The following HECW2 variants were observed in gnomAD, a reference collection of about 807,000 sequenced individuals.
The protein encoded by HECW2 is E3 ubiquitin-protein ligase HECW2.
In HECW2, 61 loss-of-function variants were observed where a neutral mutation model predicts 175.2. That is an observed-to-expected ratio of 0.35 (90% CI 0.28 to 0.43). The LOEUF (loss-of-function observed/expected upper bound fraction) is 0.43. Among genes scored for constraint, HECW2 ranks in the 20% least tolerant of loss-of-function variants. The probability of loss-of-function intolerance (pLI) is 1.00; values close to 1 mark genes in which losing one functional copy is unlikely to be tolerated. For synonymous variants in HECW2, 671 were observed against 731.0 expected (o/e 0.92, Z 1.32); for missense variants, 1,524 against 2,000.5 (o/e 0.76, Z 4.54).
intron 17 of HECW2, among the ~76,000 whole-genome samples, chr2:196,260,795 G>T (rs972291151): frequency 6.6e-5 from 10 of 152,190 alleles, no homozygotes; most frequent in Non-Finnish European, 1.5e-5. Flanking sequence ...CCAGGTATTT[G>T]CCCAATATGC....
chr2:196,337,844 G>A (rs1380389864), intron 3 of HECW2, among the ~76,000 whole-genome samples: 1 of 152,068 alleles, frequency 6.6e-6, no homozygotes, highest in Admixed American at 6.6e-5. Flanking sequence ...GAGGATGAGC[G>A]GCATCTGCTC....
rs966631004 is a variant in HECW2 at position 196,217,136 on chromosome 2, T to C, written c.4409-43A>G. On this transcript the variant is annotated intron_variant, in intron 26 of 28. Coordinates refer to ENST00000644978, the MANE Select transcript of HECW2 (RefSeq NM_001348768.2). ...AAAGCCCATGTTACTTTGACTCTTC[T>C]ATATTAAGCCACCAAGATACGTGAC... The C allele has an allele frequency of 2.8e-6, 4 of 1,428,980 alleles. No individual in the cohort carries two copies. In the African/African-American group the frequency reaches 5.8e-5, roughly 21 times the overall value. 88.5% of individuals were successfully genotyped at this position (1,428,980 alleles called of 1,614,324 possible). A position where few individuals can be genotyped will look rare whatever the true frequency, so the allele number is the denominator to read the frequency against.
rs1228572141 is a variant in HECW2 at position 196,318,559 on chromosome 2, A to G, written c.2331T>C (p.Ala777=). Reference sequence around the variant, plus strand: ...GTGGTGTCCATATCCTACCTCCAGTAGCGCCCTCCTCCTGGGCAGTTGCCC... The same window carrying G: ...GTGGTGTCCATATCCTACCTCCAGTGGCGCCCTCCTCCTGGGCAGTTGCCC... ...CEGATAQEEG[A]TGGSQANGHQ... is the part of the protein sequence containing the mutation. The change falls in exon 9 of 29, where the codon GCT becomes GCC. Residue 777 remains alanine, a synonymous_variant. Transcript: ENST00000644978. 6.6e-7 allele frequency: 1 copy of G among 1,508,100 alleles called. No homozygotes were observed. Among genetic ancestry groups the G allele is most frequent in the East Asian group, 2.3e-5 (1 of 42,994 alleles). The allele number at this position is 1,508,100 out of a possible 1,614,324, so 93.4% of individuals were successfully genotyped here. A position where few individuals can be genotyped will look rare whatever the true frequency, so the allele number is the denominator to read the frequency against.
intron 28 of HECW2, among the ~76,000 whole-genome samples, chr2:196,206,595 T>C (rs1252964989): frequency 6.6e-6 from 1 of 152,268 alleles, no homozygotes; most frequent in African/African-American, 2.4e-5. Flanking sequence ...TTACTAAGCA[T>C]ATACTCCATG....
chr2:196,480,016 T>C (rs76753846), intron 1 of HECW2, among the ~76,000 whole-genome samples: 1 of 152,158 alleles, frequency 6.6e-6, no homozygotes, highest in East Asian at 1.9e-4. Context: ...ATAACATGAC[T>C]CCATTGTCTT....
At chr2:196,593,072 C>T (rs1575708262) in intron 1 of HECW2, among the ~76,000 whole-genome samples, 1 of 151,312 alleles carries the variant, frequency 6.6e-6, no homozygotes, top group Non-Finnish European at 1.5e-5. Context: ...AGCGGCTCTT[C>T]CCGCCGCCCT....
chr2:196,557,362 T>C (rs1168121697), intron 1 of HECW2, among the ~76,000 whole-genome samples: 1 of 150,198 alleles, frequency 6.7e-6, no homozygotes, highest in Non-Finnish European at 1.5e-5. Flanking sequence ...ACCATTGCAC[T>C]CCAGCCTGGG....
At chr2:196,311,254 C>A (rs762881028) in intron 10 of HECW2, among the ~76,000 whole-genome samples, 1 of 152,216 alleles carries the variant, frequency 6.6e-6, no homozygotes, top group Non-Finnish European at 1.5e-5. Flanking sequence ...GTGCCAGAAT[C>A]ACTTTGAGGA....
intron 26 of HECW2, chr2:196,217,321 G>A (rs1054811626): frequency 1.1e-4 from 45 of 404,044 alleles, no homozygotes; most frequent in African/African-American, 1.7e-4. Flanking sequence ...TTCATTTAAC[G>A]GTCACTAAGT....
rs1293754171 is a variant in HECW2, at chr2:196,195,290, A to T, written c.*5987T>A. 1.3e-5 allele frequency: 2 copies of T among 152,200 alleles called. No individual in the cohort carries two copies. The highest frequency in any genetic ancestry group is 2.9e-5 in the Non-Finnish European group (2 of 68,028). The allele number at this position is 152,200 out of a possible 1,614,324, so 9.4% of individuals were successfully genotyped here. A position where few individuals can be genotyped will look rare whatever the true frequency, so the allele number is the denominator to read the frequency against. On this transcript the variant is annotated 3_prime_UTR_variant, in exon 29 of 29. Transcript: ENST00000644978. ...TCCTTACCTGCATCAGTAATAGCTG[A>T]TTCAGTTTGAATCACACAACACGGC...
At chr2:196,581,520 TGAGACTCTA>T (rs1435591130) in intron 1 of HECW2, among the ~76,000 whole-genome samples, 1 of 152,068 alleles carries the variant, frequency 6.6e-6, no homozygotes, top group Non-Finnish European at 1.5e-5. Flanking sequence ...GACGATACAG[TGAGACTCTA>T]TCTCAAAAAA....
At chr2:196,587,649 TAAAA>T (rs1490677405) in intron 1 of HECW2, among the ~76,000 whole-genome samples, 1 of 152,104 alleles carries the variant, frequency 6.6e-6, no homozygotes, top group African/African-American at 2.4e-5. Context: ...TTTTAACAAA[TAAAA>T]AATAAGTAAA....
intron 3 of HECW2, among the ~76,000 whole-genome samples, chr2:196,342,862 T>C (rs182253064): frequency 6.6e-6 from 1 of 152,138 alleles, no homozygotes; most frequent in African/African-American, 2.4e-5. Flanking sequence ...ATATCTTGAC[T>C]TATTCTTTCT....
At chr2:196,496,102 G>A (rs944210199) in intron 1 of HECW2, among the ~76,000 whole-genome samples, 1 of 152,122 alleles carries the variant, frequency 6.6e-6, no homozygotes, top group South Asian at 2.1e-4. Flanking sequence ...TTGACCACAC[G>A]AGTTTTCAAT....
chr2:196,429,138 A>G (rs1695631392), intron 2 of HECW2, among the ~76,000 whole-genome samples: 2 of 152,272 alleles, frequency 1.3e-5, no homozygotes, highest in East Asian at 1.9e-4. Context: ...AGTTCCCCCA[A>G]AGGTTTCCCA....
chr2:196,527,431 CCTT>C (rs1478309532), intron 1 of HECW2, among the ~76,000 whole-genome samples: 3 of 152,200 alleles, frequency 2.0e-5, no homozygotes, highest in Admixed American at 1.3e-4. Flanking sequence ...CAGAAATCAC[CCTT>C]CTTCTGCGTC....
At chr2:196,243,693 C>T (rs939382506) in intron 19 of HECW2, among the ~76,000 whole-genome samples, 6 of 152,030 alleles carry the variant, frequency 3.9e-5, no homozygotes, top group African/African-American at 1.4e-4. Flanking sequence ...GATTCTCCTG[C>T]CTCAGCCTCC....
chr2:196,335,524 T>C (rs1692520019), intron 3 of HECW2, among the ~76,000 whole-genome samples: 1 of 152,234 alleles, frequency 6.6e-6, no homozygotes. Context: ...GGCTGCTCAA[T>C]GTATTTCCCT....
intron 1 of HECW2, among the ~76,000 whole-genome samples, chr2:196,491,525 CATAT>C (rs1204253689): frequency 1.4e-5 from 2 of 143,654 alleles, no homozygotes; most frequent in African/African-American, 5.4e-5. Context: ...CACACACACA[CATAT>C]ACACACATAT....
Sources: allele counts gnomAD v4.1 joint callset (sites outside exome capture counted in the v4.1 genomes callset), GRCh38; gene constraint gnomAD v4.1.1; transcripts MANE v1.5; gene names NCBI Gene and HGNC (gene_info 2026-07-23, HGNC 2026-07-21).